The following STRIP2 variants were observed in gnomAD, a reference collection of about 807,000 sequenced individuals.
The protein encoded by STRIP2 is striatin interacting protein 2.
STRIP2 carries 84 observed loss-of-function variants against 107.1 expected under a neutral mutation model. The observed-to-expected ratio is 0.78, with a 90% CI of 0.66 to 0.94. The LOEUF is 0.94. STRIP2 is among the 40% of genes least tolerant of loss of function. STRIP2 has a pLI of 0.00. For synonymous variants in STRIP2, 394 were observed against 400.4 expected (o/e 0.98, Z 0.19); for missense variants, 888 against 1,034.2 (o/e 0.86, Z 1.94).
At chr7:129,463,292 C>G (rs1377262420) in intron 14 of STRIP2, among the ~76,000 whole-genome samples, 2 of 152,178 alleles carry the variant, frequency 1.3e-5, no homozygotes, top group African/African-American at 2.4e-5. Context: ...GGGGACCCTC[C>G]TCCGAGATAA....
rs1799175100 is a variant in STRIP2 at position 129,483,376 on chromosome 7, GA to G, written c.2254+337del. 1.1e-5 allele frequency: 10 copies of G among 946,840 alleles called. No homozygotes were observed. Among genetic ancestry groups the G allele is most frequent in the Non-Finnish European group, 1.3e-5 (10 of 768,228 alleles). 58.7% of individuals were successfully genotyped at this position (946,840 alleles called of 1,614,324 possible). ...ACTTTTTATTATTACAAAGCAGTTA[GA>G]AAAAAAGATAGAAAATACAAGTAAA... On this transcript the variant is annotated intron_variant, in intron 20 of 20. Coordinates refer to ENST00000249344, the MANE Select transcript of STRIP2 (RefSeq NM_020704.3). The surrounding 1 kb of genome is among the most constrained non-coding windows in gnomAD (Gnocchi z 5.1).
chr7:129,463,203 G>C (rs1798588300), intron 14 of STRIP2, among the ~76,000 whole-genome samples, 163 bp downstream of exon 14: 1 of 152,248 alleles, frequency 6.6e-6, no homozygotes, highest in African/African-American at 2.4e-5. Context: ...TTTCCTCAGT[G>C]CTCCTCTGAT....
Position 129,461,350 on chromosome 7 carries a change from C to T in STRIP2, c.1476+978C>T, listed in dbSNP as rs1048475910. ...AAATAAATTCGGGAGTTGTTTGTAA[C>T]ACTTATAGGCAGTGTTAAAGGCCGT... On this transcript the variant is annotated intron_variant, in intron 13 of 20. Coordinates refer to ENST00000249344, the MANE Select transcript of STRIP2 (RefSeq NM_020704.3). The surrounding 1 kb of genome is among the most constrained non-coding windows in gnomAD (Gnocchi z 4.0). Among the ~76,000 whole-genome samples the T allele has an allele frequency of 6.6e-6, 1 of 152,056 alleles. No homozygotes were observed. Among genetic ancestry groups the T allele is most frequent in the African/African-American group, 2.4e-5 (1 of 41,400 alleles).
At chr7:129,468,564 G>T (rs543047091) in intron 17 of STRIP2, among the ~76,000 whole-genome samples, 1 of 152,290 alleles carries the variant, frequency 6.6e-6, no homozygotes, top group African/African-American at 2.4e-5. Flanking sequence ...TCCCTTGGGG[G>T]TAAGCATTGG....
chr7:129,478,783 C>T (rs2151018147), intron 18 of STRIP2, among the ~76,000 whole-genome samples: 1 of 152,184 alleles, frequency 6.6e-6, no homozygotes, highest in East Asian at 1.9e-4. Flanking sequence ...GGGATGAGGC[C>T]ATAATCCAAG....
chr7:129,482,789 T>G (rs968873431), intron 19 of STRIP2, 53 bp from the exon 20 acceptor site: 2 of 1,600,452 alleles, frequency 1.2e-6, no homozygotes, highest in East Asian at 2.2e-5. Flanking sequence ...GTCTGTAAAC[T>G]GGAAATTCCA....
rs552011786 is a variant in STRIP2, at chr7:129,437,898, C to T, written c.130-2124C>T. Among the ~76,000 whole-genome samples the T allele has an allele frequency of 9.3e-4, 141 of 151,744 alleles. 2 individuals are homozygous for T. The highest frequency in any genetic ancestry group is 7.5e-4 in the Non-Finnish European group (51 of 67,910). On this transcript the variant is annotated intron_variant, in intron 1 of 20. Transcript: ENST00000249344. ...TCGGCTCACTGCAAGCTCTGCCTCC[C>T]GGGTTCACGCCATTCTCCTGCCTCA... is the stretch of plus-strand genomic sequence containing the variant.
rs562714648 is a variant in STRIP2 at position 129,440,014 on chromosome 7, T to C, written c.130-8T>C. The C allele has an allele frequency of 1.9e-6, 3 of 1,613,656 alleles. No individual in the cohort carries two copies. The highest frequency in any genetic ancestry group is 1.6e-4 in the Middle Eastern group (1 of 6,062). On this transcript the variant is annotated splice_polypyrimidine_tract_variant and splice_region_variant and intron_variant, in intron 1 of 20. Coordinates refer to ENST00000249344, the MANE Select transcript of STRIP2 (RefSeq NM_020704.3). ...ATCCCAGTTACCAACAAAATTTCTC[T>C]GTTACAGGGCTCTGTGGACTGTCCC... is the stretch of plus-strand genomic sequence containing the variant.
At position 129,450,918 on chromosome 7, in the gene STRIP2, C is replaced by CT. The variant is rs758536953; in HGVS notation, c.275-659dup. Among the ~76,000 whole-genome samples the CT allele has an allele frequency of 5.7e-3, 313 of 54,512 alleles. 76 individuals carry two copies. Among genetic ancestry groups the CT allele is most frequent in the African/African-American group, 6.8e-3 (86 of 12,684 alleles). 35.8% of individuals were successfully genotyped at this position (54,512 alleles called of 152,430 possible). On this transcript the variant is annotated intron_variant, in intron 3 of 20. Coordinates refer to ENST00000249344, the MANE Select transcript of STRIP2 (RefSeq NM_020704.3). ...GGCCACAGCATTAGTGAGAAAGGTC[C>CT]TTTTTTTTTTTTTTTTTTTTTTTTT... is the stretch of plus-strand genomic sequence containing the variant.
rs1272736971 is a variant in STRIP2, at chr7:129,458,646, G to T, written c.1275-66G>T. The T allele has an allele frequency of 4.4e-6, 7 of 1,585,122 alleles. No individual in the cohort carries two copies. The highest frequency in any genetic ancestry group is 5.2e-6 in the Non-Finnish European group (6 of 1,154,656). ...GATTGGAGGGATAGGAGCCCGGAAA[G>T]TTTTTCTCTCTCAAAGTTTGCTTTT... On this transcript the variant is annotated intron_variant, in intron 10 of 20. Transcript: ENST00000249344. This position sits in a 1 kb window ranked among gnomAD's most constrained non-coding sequence, Gnocchi z 4.6.
intron 7 of STRIP2, among the ~76,000 whole-genome samples, 157 bp from the exon 8 acceptor site, chr7:129,455,087 C>T (rs1798306069): frequency 6.6e-6 from 1 of 152,224 alleles, no homozygotes; most frequent in African/African-American, 2.4e-5. Flanking sequence ...TGAGGGGCTT[C>T]CTTCTGGGGG....
Position 129,458,720 on chromosome 7 carries a change from A to G in STRIP2, c.1283A>G (p.Asp428Gly). The change falls in exon 11 of 21, where the codon GAC becomes GGC. Residue 428 changes from aspartate (D) to glycine (G), a missense_variant. Transcript: ENST00000249344. The surrounding 1 kb of genome is among the most constrained non-coding windows in gnomAD (Gnocchi z 4.6). ...LPWAPKVRQK[D>G]IEHFLEMSRN... Reference sequence around the variant, plus strand: ...TTCCACCATCCTCTCAGACAGAAGGACATTGAGCACTTCTTGGAGATGAGC... The same window carrying G: ...TTCCACCATCCTCTCAGACAGAAGGGCATTGAGCACTTCTTGGAGATGAGC... 1 of 1,614,132 alleles carries G rather than the reference A, an allele frequency of 6.2e-7. No individual in the cohort carries two copies. The highest frequency in any genetic ancestry group is 2.2e-5 in the East Asian group (1 of 44,882).
At chr7:129,478,895 C>T (rs774996175) in intron 18 of STRIP2, among the ~76,000 whole-genome samples, 2 of 152,108 alleles carry the variant, frequency 1.3e-5, no homozygotes, top group African/African-American at 2.4e-5. Flanking sequence ...ATGCCTCTAC[C>T]GTATTGAAAA....
At chr7:129,478,610 G>A (rs1799034099) in intron 18 of STRIP2, among the ~76,000 whole-genome samples, 1 of 152,132 alleles carries the variant, frequency 6.6e-6, no homozygotes, top group Non-Finnish European at 1.5e-5. Context: ...TACAATATTA[G>A]GTAACCATTA....
At chr7:129,457,606 A>C (rs1798401383) in intron 9 of STRIP2, among the ~76,000 whole-genome samples, 2 of 152,230 alleles carry the variant, frequency 1.3e-5, no homozygotes, top group African/African-American at 2.4e-5. Flanking sequence ...TCTGCAATAA[A>C]ATTTTTTAAC....
At chr7:129,481,194 A>G (rs933971291) in intron 19 of STRIP2, among the ~76,000 whole-genome samples, 1 of 152,166 alleles carries the variant, frequency 6.6e-6, no homozygotes, top group Admixed American at 6.5e-5. Flanking sequence ...TCATTGCAAC[A>G]TTGTTTATAA....
intron 16 of STRIP2, among the ~76,000 whole-genome samples, chr7:129,466,283 G>A (rs1226295313): frequency 6.6e-6 from 1 of 152,120 alleles, no homozygotes; most frequent in Non-Finnish European, 1.5e-5. Context: ...ATATGTGTTG[G>A]CTCTTTTGTC....
intron 3 of STRIP2, among the ~76,000 whole-genome samples, chr7:129,445,243 T>A (rs1798004635): frequency 6.6e-6 from 1 of 152,198 alleles, no homozygotes; most frequent in Non-Finnish European, 1.5e-5. Context: ...ACCTCCGTTG[T>A]GGAGTAGTAG....
In STRIP2 at chr7:129,472,775, C is replaced by CTTTTTTTTTTTTTT. The variant is rs1491462474; in HGVS notation, c.1944+2060_1944+2061insTTTTTTTTTTTTTT. Among the ~76,000 whole-genome samples, 25 of 68,890 alleles carry CTTTTTTTTTTTTTT rather than the reference C, an allele frequency of 3.6e-4. 10 individuals carry two copies. The highest frequency in any genetic ancestry group is 1.2e-3 in the South Asian group (2 of 1,736). The allele number at this position is 68,890 out of a possible 152,430, so 45.2% of individuals were successfully genotyped here. ...AATATATAGAATTTTCTTTTCTTTT[C>CTTTTTTTTTTTTTT]CTTTTTTTTTTTTTTTTTTTTTTTT... On this transcript the variant is annotated intron_variant, in intron 18 of 20. Transcript: ENST00000249344.
Sources: gnomAD v4.1 joint callset for allele counts (sites outside exome capture counted in the v4.1 genomes callset) on GRCh38, gnomAD v4.1.1 for gene constraint, Gnocchi (gnomAD v3.1) non-coding constraint, MANE v1.5 for transcripts, NCBI Gene and HGNC (gene_info 2026-07-23, HGNC 2026-07-21) for gene names.